Variants in AGAP1 observed in about 807,000 individuals in gnomAD.
AGAP1 encodes arf-GAP with GTPase, ANK repeat and PH domain-containing protein 1.
In AGAP1, 29 loss-of-function variants were observed where a neutral mutation model predicts 105.3. The ratio of observed to expected loss-of-function variants is 0.28; its 90% CI spans 0.21 to 0.38. AGAP1 has a LOEUF of 0.38. AGAP1 is among the 10% of genes least tolerant of loss of function. AGAP1 has a pLI of 1.00. For missense variants in AGAP1, 998 were observed against 1,165.1 expected, an observed-to-expected ratio of 0.86 and a Z score of 2.09; for synonymous variants, 509 against 485.9, an observed-to-expected ratio of 1.05 and a Z score of -0.63.
intron 13 of AGAP1, among the ~76,000 whole-genome samples, chr2:235,978,501 C>G (rs570635270): frequency 6.6e-6 from 1 of 152,302 alleles, no homozygotes; most frequent in East Asian, 1.9e-4. Flanking sequence ...TTAAAACAAC[C>G]CTGTGTGGTG....
rs1327669781 is a variant in AGAP1 at position 235,882,829 on chromosome 2, C to G, written c.1051-516C>G. On this transcript the variant is annotated intron_variant, in intron 9 of 17. Coordinates refer to ENST00000304032, the MANE Select transcript of AGAP1 (RefSeq NM_001037131.3). This position sits in a 1 kb window ranked among gnomAD's most constrained non-coding sequence, Gnocchi z 4.6. Reference sequence around the variant, plus strand: ...TTCTTTTTCTCTTTGTCTCTCCTCTCTCTTTCTTTCACTCGCTTTGTCACC... The same window carrying G: ...TTCTTTTTCTCTTTGTCTCTCCTCTGTCTTTCTTTCACTCGCTTTGTCACC... Among the ~76,000 whole-genome samples the G allele has an allele frequency of 6.6e-6, 1 of 151,766 alleles. No individual in the cohort carries two copies. Among genetic ancestry groups the G allele is most frequent in the Non-Finnish European group, 1.5e-5 (1 of 67,932 alleles).
Position 236,076,080 on chromosome 2 carries a change from C to T in AGAP1, c.2114+26799C>T, listed in dbSNP as rs530633033. Among the ~76,000 whole-genome samples, 155 of 152,298 alleles carry T rather than the reference C, an allele frequency of 1.0e-3. No individual in the cohort carries two copies. Among genetic ancestry groups the T allele is most frequent in the Non-Finnish European group, 1.6e-3 (112 of 67,998 alleles). ...AGACCCGTGCTGTCATAACAGTCCT[C>T]CTTCAGAGACACCCCTCAATCAGAT... On this transcript the variant is annotated intron_variant, in intron 16 of 17. Coordinates refer to ENST00000304032, the MANE Select transcript of AGAP1 (RefSeq NM_001037131.3). This position sits in a 1 kb window ranked among gnomAD's most constrained non-coding sequence, Gnocchi z 4.4.
At chr2:235,702,098 T>C (rs1373415963) in intron 1 of AGAP1, among the ~76,000 whole-genome samples, 1 of 152,188 alleles carries the variant, frequency 6.6e-6, no homozygotes, top group East Asian at 1.9e-4. Context: ...TTCACGAGTT[T>C]TGTCTGGAAT....
intron 16 of AGAP1, among the ~76,000 whole-genome samples, chr2:236,081,243 A>G (rs2058772435): frequency 6.6e-6 from 1 of 152,186 alleles, no homozygotes; most frequent in African/African-American, 2.4e-5. Context: ...GACAGTGGGC[A>G]GGAGGCCGGG....
intron 1 of AGAP1, among the ~76,000 whole-genome samples, chr2:235,651,217 A>G (rs1947579817): frequency 7.7e-6 from 1 of 130,204 alleles, no homozygotes; most frequent in Non-Finnish European, 1.6e-5. Context: ...AAAAAAAAAA[A>G]GAGACACCCT....
intron 13 of AGAP1, among the ~76,000 whole-genome samples, chr2:235,998,974 G>A (rs951268032): frequency 6.6e-6 from 1 of 151,548 alleles, no homozygotes; most frequent in Admixed American, 6.6e-5. Flanking sequence ...TAGGGCTGGT[G>A]GTGACGGGGT....
At chr2:235,602,645 C>G (rs181473026) in intron 1 of AGAP1, among the ~76,000 whole-genome samples, 16 of 152,330 alleles carry the variant, frequency 1.1e-4, no homozygotes, top group South Asian at 4.1e-4. Context: ...TCCTCCACCT[C>G]CACAGTTCCT....
chr2:236,094,250 T>G (rs771089187), intron 16 of AGAP1, among the ~76,000 whole-genome samples: 2 of 151,846 alleles, frequency 1.3e-5, no homozygotes, highest in Non-Finnish European at 2.9e-5. Flanking sequence ...AGCCCAGGAT[T>G]TCCAGGTCAG....
At chr2:235,650,503 A>G (rs1947546289) in intron 1 of AGAP1, among the ~76,000 whole-genome samples, 1 of 152,158 alleles carries the variant, frequency 6.6e-6, no homozygotes, top group Non-Finnish European at 1.5e-5. Context: ...TTAGTTGAGC[A>G]TGCTCTGTTT....
chr2:235,844,340 C>T (rs979703362), intron 9 of AGAP1, among the ~76,000 whole-genome samples: 1 of 152,214 alleles, frequency 6.6e-6, no homozygotes, highest in Non-Finnish European at 1.5e-5. Context: ...CTCCCACCCA[C>T]AGGGGCAGCC....
rs1941206910 is a variant in AGAP1 at position 235,494,234 on chromosome 2, C to T, written c.-453C>T. On this transcript the variant is annotated 5_prime_UTR_variant, in exon 1 of 18. Coordinates refer to ENST00000304032, the MANE Select transcript of AGAP1 (RefSeq NM_001037131.3). The stretch of plus-strand genomic sequence containing the variant: ...GCGGACCCACGCCACGGCCAGGAGC[C>T]CAGAGCAGCGCGGCCACACTGCCCA... 1 of 145,204 alleles carries T rather than the reference C, an allele frequency of 6.9e-6. No individual in the cohort carries two copies. Among genetic ancestry groups the T allele is most frequent in the South Asian group, 2.1e-4 (1 of 4,826 alleles). 9.0% of individuals were successfully genotyped at this position (145,204 alleles called of 1,614,324 possible).
In AGAP1 at chr2:235,714,880, C is replaced by T. The variant is rs959894922; in HGVS notation, c.223-2677C>T. Among the ~76,000 whole-genome samples, 6 of 152,142 alleles carry T rather than the reference C, an allele frequency of 3.9e-5. No individual in the cohort carries two copies. Among genetic ancestry groups the T allele is most frequent in the African/African-American group, 7.2e-5 (3 of 41,428 alleles). On this transcript the variant is annotated intron_variant, in intron 2 of 17. Coordinates refer to ENST00000304032, the MANE Select transcript of AGAP1 (RefSeq NM_001037131.3). The surrounding 1 kb of genome is among the most constrained non-coding windows in gnomAD (Gnocchi z 4.1). The stretch of plus-strand genomic sequence containing the variant: ...GTGGTGTATCTCGGCTCACTGCAAC[C>T]TCCGCCTCCTGGGTTCAGGCGATTC...
chr2:235,990,323 C>A (rs1357642258), intron 13 of AGAP1, among the ~76,000 whole-genome samples: 1 of 152,208 alleles, frequency 6.6e-6, no homozygotes, highest in Non-Finnish European at 1.5e-5. Flanking sequence ...GAGTTCCCTG[C>A]AAAGACGCTT....
chr2:235,728,016 C>T lies in AGAP1; in HGVS notation c.310+10372C>T, dbSNP rs1479380067. ...ACCGATTAGAGCTGGGATTGCCTCTCGCAACTCCCCAAAGAAAATGCTGCG... is the reference window on the plus strand; with the variant it reads ...ACCGATTAGAGCTGGGATTGCCTCTTGCAACTCCCCAAAGAAAATGCTGCG... On this transcript the variant is annotated intron_variant, in intron 3 of 17. Transcript: ENST00000304032. This position sits in a 1 kb window ranked among gnomAD's most constrained non-coding sequence, Gnocchi z 4.3. 3.3e-5 allele frequency among the ~76,000 whole-genome samples: 5 copies of T among 152,180 alleles called. No individual in the cohort carries two copies. Among genetic ancestry groups the T allele is most frequent in the Non-Finnish European group, 2.9e-5 (2 of 68,036 alleles).
In AGAP1 at chr2:235,501,115, C is replaced by T. The variant is rs368940822; in HGVS notation, c.163+6266C>T. Among the ~76,000 whole-genome samples, 40 of 152,160 alleles carry T rather than the reference C, an allele frequency of 2.6e-4. No individual in the cohort carries two copies. In the East Asian group the frequency reaches 5.6e-3, roughly 21 times the overall value. On this transcript the variant is annotated intron_variant, in intron 1 of 17. Coordinates refer to ENST00000304032, the MANE Select transcript of AGAP1 (RefSeq NM_001037131.3). Reference sequence around the variant, plus strand: ...TCCCGGATTCCTTAGCTCAGAACCCCGAACATACATTCAGGTGCACCTGCC... The same window carrying T: ...TCCCGGATTCCTTAGCTCAGAACCCTGAACATACATTCAGGTGCACCTGCC...
intron 1 of AGAP1, chr2:235,670,192 C>T (rs1402845708): frequency 1.2e-5 from 7 of 583,892 alleles, no homozygotes; most frequent in South Asian, 5.3e-5. Flanking sequence ...TCTACCGCAT[C>T]TCCGTGACCA....
intron 13 of AGAP1, among the ~76,000 whole-genome samples, chr2:235,969,669 C>T (rs547356305): frequency 2.0e-5 from 3 of 152,268 alleles, no homozygotes; most frequent in East Asian, 3.9e-4. Context: ...ATATCCAGAG[C>T]GGAGCACGCA....
chr2:235,607,968 T>C (rs1375014400), intron 1 of AGAP1, among the ~76,000 whole-genome samples: 1 of 152,234 alleles, frequency 6.6e-6, no homozygotes, highest in African/African-American at 2.4e-5. Flanking sequence ...ATCTTCGAGT[T>C]TTGACTTGGA....
Position 235,741,033 on chromosome 2 carries a change from C to G in AGAP1, c.381C>G (p.Gly127=), listed in dbSNP as rs369456229. 1 of 1,612,294 alleles carries G rather than the reference C, an allele frequency of 6.2e-7. No homozygotes were observed. The highest frequency in any genetic ancestry group is 1.7e-5 in the Admixed American group (1 of 59,966). ...TGCTGCTGATCAGAGATGAAGGGGGCCCCCCGGAGGCGCAGGTGAGTATAC... is the reference window on the plus strand; with the variant it reads ...TGCTGCTGATCAGAGATGAAGGGGGGCCCCCGGAGGCGCAGGTGAGTATAC... ...SYLLLIRDEG[G]PPEAQFAMWV... Residue 127 remains glycine, a synonymous_variant, in exon 4 of 18, where the codon GGC becomes GGG. Transcript: ENST00000304032. This position sits in a 1 kb window ranked among gnomAD's most constrained non-coding sequence, Gnocchi z 4.9.
Sources: allele counts gnomAD v4.1 joint callset (sites outside exome capture counted in the v4.1 genomes callset), GRCh38; gene constraint gnomAD v4.1.1; non-coding constraint Gnocchi (gnomAD v3.1); transcripts MANE v1.5; gene names NCBI Gene and HGNC (gene_info 2026-07-23, HGNC 2026-07-21).